NLK: variants seen among roughly 807,000 people sequenced by gnomAD.
The protein encoded by NLK is serine/threonine-protein kinase NLK.
Under a neutral mutation model 59.0 loss-of-function variants are expected in NLK, and 11 were observed. That is an observed-to-expected ratio of 0.19 (90% confidence interval 0.12 to 0.31). The LOEUF (loss-of-function observed/expected upper bound fraction) is 0.31, where lower values mean the gene tolerates loss of function less well. Ranked by LOEUF, NLK falls within the 10% of genes least tolerant of loss-of-function variation. The pLI is 1.00. For synonymous variants in NLK, 235 were observed against 235.9 expected, an observed-to-expected ratio of 1.00 and a Z score of 0.03; for missense variants, 410 against 661.1, an observed-to-expected ratio of 0.62 and a Z score of 4.16.
intron 1 of NLK, among the ~76,000 whole-genome samples, chr17:28,063,780 G>A (rs1909742795): frequency 6.6e-6 from 1 of 152,168 alleles, no homozygotes; most frequent in Non-Finnish European, 1.5e-5. Context: ...AAATGAGAAA[G>A]GCTTAGAAGT....
At chr17:28,109,014 C>CA (rs1276447993) in intron 1 of NLK, among the ~76,000 whole-genome samples, 2 of 151,852 alleles carry the variant, frequency 1.3e-5, no homozygotes, top group African/African-American at 2.4e-5. Context: ...TAAAAAAATA[C>CA]AAAAAAAGTA....
chr17:28,079,989 G>A (rs1250474654), intron 1 of NLK, among the ~76,000 whole-genome samples: 4 of 152,058 alleles, frequency 2.6e-5, no homozygotes, highest in African/African-American at 9.7e-5. Context: ...GTTGATTTTT[G>A]TATGTGATAT....
chr17:28,073,551 C>G (rs1159308363), intron 1 of NLK, among the ~76,000 whole-genome samples: 3 of 152,212 alleles, frequency 2.0e-5, no homozygotes, highest in Admixed American at 6.5e-5. Flanking sequence ...AGATGCTTTT[C>G]CATCTAATTT....
intron 1 of NLK, among the ~76,000 whole-genome samples, chr17:28,085,064 T>A (rs1362967469): frequency 6.6e-6 from 1 of 152,224 alleles, no homozygotes; most frequent in Non-Finnish European, 1.5e-5. Context: ...AAAAACTGTA[T>A]GTAGAGGACT....
In NLK at chr17:28,124,775, C is replaced by T. The variant is rs1010985039; in HGVS notation, c.588+2043C>T. Among the ~76,000 whole-genome samples, 8 of 151,982 alleles carry T rather than the reference C, an allele frequency of 5.3e-5. No individual in the cohort carries two copies. The East Asian group carries it at 7.7e-4, about 15-fold the overall frequency. Reference sequence around the variant, plus strand: ...AGAAATTTGCTTACTCGGGGCCGGGCGCAGTAGCTCATGCTTGTAATCCCA... The same window carrying T: ...AGAAATTTGCTTACTCGGGGCCGGGTGCAGTAGCTCATGCTTGTAATCCCA... On this transcript the variant is annotated intron_variant, in intron 2 of 10. Coordinates refer to ENST00000407008, the MANE Select transcript of NLK (RefSeq NM_016231.5).
At chr17:28,133,199 C>G (rs1198695177) in intron 3 of NLK, among the ~76,000 whole-genome samples, 1 of 152,148 alleles carries the variant, frequency 6.6e-6, no homozygotes, top group Admixed American at 6.6e-5. Flanking sequence ...GGGCACAATT[C>G]TAAGCTCTTT....
At chr17:28,152,722 C>G (rs1907531966) in intron 3 of NLK, among the ~76,000 whole-genome samples, 1 of 152,070 alleles carries the variant, frequency 6.6e-6, no homozygotes, top group Admixed American at 6.5e-5. Context: ...CTCCTGGGCT[C>G]AAGTGATCCT....
Position 28,144,820 on chromosome 17 carries a change from A to C in NLK, c.644+12145A>C, listed in dbSNP as rs371580604. Among the ~76,000 whole-genome samples, 67 of 152,328 alleles carry C rather than the reference A, an allele frequency of 4.4e-4. No homozygotes were observed. The South Asian group carries it at 0.013, about 31-fold the overall frequency. ...AGCCACTAAATATATCAGACTTGCC[A>C]TAATTGGAGGATATGGTGAATCAGT... On this transcript the variant is annotated intron_variant, in intron 3 of 10. Coordinates refer to ENST00000407008, the MANE Select transcript of NLK (RefSeq NM_016231.5).
intron 7 of NLK, among the ~76,000 whole-genome samples, chr17:28,179,462 G>T (rs1197944270): frequency 2.0e-5 from 3 of 151,998 alleles, no homozygotes; most frequent in Admixed American, 2.0e-4. Context: ...TGGGAATGGT[G>T]GCTCATGCCT....
intron 1 of NLK, 92 bp downstream of exon 1, chr17:28,043,423 C>G: frequency 8.6e-7 from 1 of 1,166,128 alleles, no homozygotes; most frequent in Non-Finnish European, 1.2e-6. Flanking sequence ...TCCATGTTGA[C>G]CAAGGTGCAG....
At chr17:28,110,715 T>C (rs1905429371) in intron 1 of NLK, among the ~76,000 whole-genome samples, 1 of 152,194 alleles carries the variant, frequency 6.6e-6, no homozygotes, top group Non-Finnish European at 1.5e-5. Flanking sequence ...TATGTACTTT[T>C]CTCTAGAATC....
chr17:28,161,313 A>G, intron 4 of NLK, 47 bp downstream of exon 4: 2 of 1,023,128 alleles, frequency 2.0e-6, no homozygotes, highest in Non-Finnish European at 3.1e-6. Flanking sequence ...CTGTAAATGA[A>G]ATGTTTTGCT....
At chr17:28,126,231 C>G (rs993633277) in intron 2 of NLK, among the ~76,000 whole-genome samples, 4 of 152,176 alleles carry the variant, frequency 2.6e-5, no homozygotes, top group African/African-American at 9.7e-5. Context: ...CAACCAAAAC[C>G]TAGAAATGTA....
chr17:28,090,773 T>A (rs533853639), intron 1 of NLK, among the ~76,000 whole-genome samples: 1 of 152,356 alleles, frequency 6.6e-6, no homozygotes, highest in African/African-American at 2.4e-5. Context: ...CTTTAAGTAC[T>A]TCAAAGATGT....
At chr17:28,106,195 T>TA (rs1216778192) in intron 1 of NLK, among the ~76,000 whole-genome samples, 2 of 152,334 alleles carry the variant, frequency 1.3e-5, no homozygotes, top group African/African-American at 4.8e-5. Flanking sequence ...TTTCTTCTTT[T>TA]TAGCTTTCAG....
At chr17:28,062,899 C>G (rs1909712400) in intron 1 of NLK, among the ~76,000 whole-genome samples, 1 of 152,060 alleles carries the variant, frequency 6.6e-6, no homozygotes, top group South Asian at 2.1e-4. Flanking sequence ...TAACTTTTAT[C>G]AAAAATTATT....
At chr17:28,105,152 C>A (rs986625665) in intron 1 of NLK, among the ~76,000 whole-genome samples, 5 of 152,148 alleles carry the variant, frequency 3.3e-5, no homozygotes, top group African/African-American at 1.2e-4. Context: ...TACCTTGAAT[C>A]TTCACCTTGG....
chr17:28,095,446 C>G (rs1449135194), intron 1 of NLK, among the ~76,000 whole-genome samples: 1 of 152,178 alleles, frequency 6.6e-6, no homozygotes, highest in Non-Finnish European at 1.5e-5. Context: ...CAGACTGTAA[C>G]TCAACATAGT....
At chr17:28,082,210 C>G (rs1490361419) in intron 1 of NLK, among the ~76,000 whole-genome samples, 1 of 152,128 alleles carries the variant, frequency 6.6e-6, no homozygotes, top group Non-Finnish European at 1.5e-5. Flanking sequence ...GCCTGAAATT[C>G]ACGTTGTTTT....
Sources: gnomAD v4.1 joint callset for allele counts (sites outside exome capture counted in the v4.1 genomes callset) on GRCh38, gnomAD v4.1.1 for gene constraint, MANE v1.5 for transcripts, NCBI Gene and HGNC (gene_info 2026-07-23, HGNC 2026-07-21) for gene names.